The following PXDNL variants were observed in gnomAD, a reference collection of about 807,000 sequenced individuals.
The protein encoded by PXDNL is peroxidasin like, also known as probable oxidoreductase PXDNL.
In PXDNL, 145 loss-of-function variants were observed where a neutral mutation model predicts 150.8. That is an observed-to-expected ratio of 0.96 (90% CI 0.84 to 1.10). The LOEUF is 1.10. PXDNL is among the 50% of genes least tolerant of loss of function. PXDNL has a pLI of 0.00. For missense variants in PXDNL, 2,087 were observed against 1,873.9 expected, an observed-to-expected ratio of 1.11 and a Z score of -2.10; for synonymous variants, 757 against 725.7, an observed-to-expected ratio of 1.04 and a Z score of -0.69.
chr8:51,469,780 A>G (rs141485065), intron 8 of PXDNL, among the ~76,000 whole-genome samples: 97 of 152,262 alleles, frequency 6.4e-4, no homozygotes, highest in Middle Eastern at 3.4e-3. Context: ...TTATCTTTCT[A>G]TAAAAAATAC....
chr8:51,680,294 T>C (rs138381237), intron 1 of PXDNL, among the ~76,000 whole-genome samples: 1,996 of 151,994 alleles, frequency 0.013, 31 homozygotes, highest in South Asian at 0.045. Context: ...TGAAATAGAG[T>C]TGTCGTCTTC....
intron 1 of PXDNL, among the ~76,000 whole-genome samples, chr8:51,710,454 C>T (rs1476349707): frequency 9.2e-5 from 14 of 152,176 alleles, no homozygotes; most frequent in Non-Finnish European, 1.8e-4. Context: ...GGGGTGAGGA[C>T]ATTTAAAATG....
At chr8:51,506,827 A>C (rs1213905524) in intron 4 of PXDNL, among the ~76,000 whole-genome samples, 1 of 152,156 alleles carries the variant, frequency 6.6e-6, no homozygotes, top group Admixed American at 6.5e-5. Context: ...CTTTAGCAGG[A>C]ATTCAAGGCT....
intron 7 of PXDNL, among the ~76,000 whole-genome samples, chr8:51,474,721 C>T (rs1397356635): frequency 2.6e-5 from 4 of 152,142 alleles, no homozygotes; most frequent in African/African-American, 9.7e-5. Flanking sequence ...AATATTTCTC[C>T]TCTGAAATTA....
intron 1 of PXDNL, among the ~76,000 whole-genome samples, chr8:51,764,294 G>A (rs919475677): frequency 1.3e-5 from 2 of 149,446 alleles, no homozygotes; most frequent in African/African-American, 4.9e-5. Flanking sequence ...TTTTTCTCTA[G>A]TCTCTACTTC....
At chr8:51,783,450 C>A (rs919057212) in intron 1 of PXDNL, among the ~76,000 whole-genome samples, 5 of 152,214 alleles carry the variant, frequency 3.3e-5, no homozygotes, top group Admixed American at 6.5e-5. Flanking sequence ...CTTATCCCAG[C>A]TAGATGCTTT....
chr8:51,774,130 T>C (rs2129244176), intron 1 of PXDNL, among the ~76,000 whole-genome samples: 1 of 152,372 alleles, frequency 6.6e-6, no homozygotes, highest in Non-Finnish European at 1.5e-5. Context: ...CAATTTTAAC[T>C]GTTTAATGGT....
chr8:51,641,957 A>G (rs1055002494), intron 2 of PXDNL, among the ~76,000 whole-genome samples: 1 of 152,206 alleles, frequency 6.6e-6, no homozygotes, highest in African/African-American at 2.4e-5. Context: ...GAACCAACCC[A>G]AATGTCCAAC....
intron 1 of PXDNL, among the ~76,000 whole-genome samples, chr8:51,790,317 G>C (rs1184320949): frequency 6.6e-6 from 1 of 152,038 alleles, no homozygotes; most frequent in Non-Finnish European, 1.5e-5. Flanking sequence ...CAAATGGCAA[G>C]TGTGGGATTT....
chr8:51,382,009 G>A (rs1807564190), intron 17 of PXDNL, among the ~76,000 whole-genome samples: 1 of 152,054 alleles, frequency 6.6e-6, no homozygotes, highest in Non-Finnish European at 1.5e-5. Context: ...TGTTACATAT[G>A]TATACATGTG....
At chr8:51,606,575 T>C (rs1196649904) in intron 2 of PXDNL, among the ~76,000 whole-genome samples, 1 of 152,174 alleles carries the variant, frequency 6.6e-6, no homozygotes, top group Non-Finnish European at 1.5e-5. Flanking sequence ...GCCTTTAACA[T>C]CTAGAACTGT....
intron 2 of PXDNL, among the ~76,000 whole-genome samples, chr8:51,596,541 C>T (rs536835624): frequency 1.3e-5 from 2 of 152,304 alleles, no homozygotes; most frequent in Admixed American, 6.5e-5. Context: ...TCCCTTTTCT[C>T]CACAGCCTCA....
chr8:51,334,931 G>A (rs1037449682), intron 21 of PXDNL, among the ~76,000 whole-genome samples: 5 of 152,016 alleles, frequency 3.3e-5, no homozygotes, highest in South Asian at 4.2e-4. Context: ...TGTTCCTTAC[G>A]TATGTCATAA....
At chr8:51,510,895 G>A (rs1255000868) in intron 4 of PXDNL, among the ~76,000 whole-genome samples, 2 of 152,048 alleles carry the variant, frequency 1.3e-5, no homozygotes, top group African/African-American at 2.4e-5. Flanking sequence ...CTAATTAAAG[G>A]GTTTCAGGCT....
chr8:51,758,761 G>A (rs2037130115), intron 1 of PXDNL, among the ~76,000 whole-genome samples: 1 of 152,142 alleles, frequency 6.6e-6, no homozygotes, highest in South Asian at 2.1e-4. Context: ...GCAGAACTGT[G>A]AGTCAATTAA....
At chr8:51,324,817 CA>C (rs1378495645) in intron 21 of PXDNL, among the ~76,000 whole-genome samples, 2 of 152,138 alleles carry the variant, frequency 1.3e-5, no homozygotes, top group African/African-American at 4.8e-5. Flanking sequence ...TGAAAATTTT[CA>C]TCCATTTTTC....
intron 1 of PXDNL, among the ~76,000 whole-genome samples, chr8:51,670,169 C>T (rs1264253885): frequency 1.3e-5 from 2 of 152,064 alleles, no homozygotes; most frequent in Non-Finnish European, 2.9e-5. Flanking sequence ...ACCCAGGAGG[C>T]AGAGGTTGCA....
chr8:51,695,987 C>T (rs1261138821), intron 1 of PXDNL, among the ~76,000 whole-genome samples: 1 of 152,188 alleles, frequency 6.6e-6, no homozygotes, highest in Non-Finnish European at 1.5e-5. Context: ...AAAATTTCAG[C>T]TCCCAATTTC....
intron 18 of PXDNL, 35 bp downstream of exon 18, chr8:51,374,562 G>A (rs1186757189): frequency 6.2e-7 from 1 of 1,605,186 alleles, no homozygotes; most frequent in Non-Finnish European, 8.5e-7. Flanking sequence ...AACAACTTTT[G>A]TGATATTTAA....
Sources: allele counts gnomAD v4.1 joint callset (sites outside exome capture counted in the v4.1 genomes callset), GRCh38; gene constraint gnomAD v4.1.1; transcripts MANE v1.5; gene names NCBI Gene and HGNC (gene_info 2026-07-23, HGNC 2026-07-21).